The following PKNOX1 variants were observed in gnomAD, a reference collection of about 807,000 sequenced individuals.
PKNOX1 encodes the protein homeobox protein PKNOX1.
A neutral mutation model predicts 51.9 loss-of-function variants in PKNOX1; 15 were observed. That is an observed-to-expected ratio of 0.29 (90% confidence interval 0.19 to 0.45). The LOEUF (loss-of-function observed/expected upper bound fraction) is 0.45. PKNOX1 is among the 20% of genes least tolerant of loss of function. PKNOX1 has a pLI of 1.00. For missense variants in PKNOX1, 462 were observed against 547.5 expected (o/e 0.84, Z 1.56); for synonymous variants, 219 against 211.1 (o/e 1.04, Z -0.32).
intron 4 of PKNOX1, among the ~76,000 whole-genome samples, chr21:43,011,899 C>G (rs1006423632): frequency 3.3e-5 from 5 of 152,170 alleles, no homozygotes; most frequent in African/African-American, 1.2e-4. Context: ...ATGCTCTCTC[C>G]ACCCCTGAGT....
intron 1 of PKNOX1, among the ~76,000 whole-genome samples, chr21:42,976,509 C>T (rs948104781): frequency 1.3e-5 from 2 of 152,216 alleles, no homozygotes; most frequent in African/African-American, 4.8e-5. Flanking sequence ...ATTTTAACCA[C>T]AGTGAAAATT....
intron 1 of PKNOX1, among the ~76,000 whole-genome samples, chr21:42,990,044 G>A (rs2059077895): frequency 1.3e-5 from 2 of 151,772 alleles, no homozygotes; most frequent in Non-Finnish European, 2.9e-5. Flanking sequence ...GCTGCAGTGA[G>A]CCAGATGGTG....
Position 43,007,548 on chromosome 21 carries a change from G to A in PKNOX1, c.109G>A (p.Ala37Thr), listed in dbSNP as rs557919521. Reference sequence around the variant, plus strand: ...AGATCCAAACTGCTCTGAACCCGATGCAGAAGGAGTGAGCCCTCCCCCTGT... The same window carrying A: ...AGATCCAAACTGCTCTGAACCCGATACAGAAGGAGTGAGCCCTCCCCCTGT... Reference protein sequence around the residue: ...EQDPNCSEPDAEGVSPPPVES... With the variant: ...EQDPNCSEPDTEGVSPPPVES... The change falls in exon 3 of 11, where the codon GCA (alanine) becomes ACA (threonine). Residue 37 changes from alanine (A) to threonine (T), a missense_variant. Transcript: ENST00000291547. 3.1e-6 allele frequency: 5 copies of A among 1,613,914 alleles called. No individual in the cohort carries two copies. The highest frequency in any genetic ancestry group is 1.6e-4 in the Middle Eastern group (1 of 6,084).
At chr21:42,984,668 G>A (rs547861631) in intron 1 of PKNOX1, among the ~76,000 whole-genome samples, 7 of 152,302 alleles carry the variant, frequency 4.6e-5, no homozygotes, top group South Asian at 2.1e-4. Flanking sequence ...GATTATAGGC[G>A]TGAGCCACCA....
intron 1 of PKNOX1, among the ~76,000 whole-genome samples, chr21:42,992,167 T>A (rs2059091243): frequency 6.6e-6 from 1 of 152,224 alleles, no homozygotes; most frequent in Non-Finnish European, 1.5e-5. Context: ...AATGCCGTAA[T>A]TCATAGGTTG....
chr21:43,004,174 T>G (rs1601287126), intron 1 of PKNOX1, 152 bp from the exon 2 acceptor site: 1 of 405,756 alleles, frequency 2.5e-6, no homozygotes. Context: ...GAGGCGGAGG[T>G]TGAGGTGAGC....
chr21:42,983,740 T>C (rs573923844), intron 1 of PKNOX1, among the ~76,000 whole-genome samples: 28 of 152,324 alleles, frequency 1.8e-4, no homozygotes, highest in Admixed American at 1.5e-3. Context: ...TACTGTTTTA[T>C]ATTCCTTTTA....
intron 1 of PKNOX1, among the ~76,000 whole-genome samples, chr21:42,993,344 C>G (rs923014779): frequency 6.6e-6 from 1 of 152,070 alleles, no homozygotes; most frequent in African/African-American, 2.4e-5. Flanking sequence ...CAACAGGACT[C>G]GCGGGCCGAG....
chr21:43,017,985 G>T (rs1456342723), intron 6 of PKNOX1, 148 bp from the exon 7 acceptor site: 4 of 560,252 alleles, frequency 7.1e-6, no homozygotes, highest in Non-Finnish European at 1.2e-5. Context: ...CAAGGCAGGA[G>T]GATCAGTTGA....
intron 1 of PKNOX1, 115 bp from the exon 2 acceptor site, chr21:43,004,211 T>G (rs1226550977): frequency 1.5e-5 from 8 of 518,698 alleles, no homozygotes; most frequent in Admixed American, 3.2e-5. Context: ...CACTCCAGCC[T>G]GGGCAACAAG....
chr21:43,005,940 G>A (rs1461108963), intron 2 of PKNOX1, among the ~76,000 whole-genome samples: 1 of 152,052 alleles, frequency 6.6e-6, no homozygotes, highest in Non-Finnish European at 1.5e-5. Flanking sequence ...CAAGGGCCTC[G>A]GAAGTGTTTA....
At chr21:43,024,575 G>T (rs1292690299) in intron 8 of PKNOX1, 3 of 318,774 alleles carry the variant, frequency 9.4e-6, no homozygotes, top group Admixed American at 4.8e-5. Flanking sequence ...TAGACTCACC[G>T]CTGGACTGCA....
chr21:42,975,553 C>T (rs1435830990), intron 1 of PKNOX1, among the ~76,000 whole-genome samples: 3 of 152,238 alleles, frequency 2.0e-5, no homozygotes, highest in African/African-American at 7.2e-5. Flanking sequence ...AATGAAGAAA[C>T]GCGGAGTCTG....
chr21:43,031,643 A>G lies in PKNOX1; in HGVS notation c.*1542A>G, dbSNP rs941509227. 1 of 152,652 alleles carries G rather than the reference A, an allele frequency of 6.6e-6. No individual in the cohort carries two copies. The highest frequency in any genetic ancestry group is 1.9e-4 in the East Asian group (1 of 5,204). 9.5% of individuals were successfully genotyped at this position (152,652 alleles called of 1,614,324 possible). A position where few individuals can be genotyped will look rare whatever the true frequency, so the allele number is the denominator to read the frequency against. ...GTATGGCTGAAGTTCATTTGTTTAC[A>G]GGGTCGGGAATGTCTTCAGTTCTTG... On this transcript the variant is annotated 3_prime_UTR_variant, in exon 11 of 11. Coordinates refer to ENST00000291547, the MANE Select transcript of PKNOX1 (RefSeq NM_004571.5).
chr21:43,020,001 C>T (rs543352754), intron 7 of PKNOX1, among the ~76,000 whole-genome samples: 1 of 147,726 alleles, frequency 6.8e-6, no homozygotes, highest in Non-Finnish European at 1.5e-5. Context: ...GGCACAAACA[C>T]AGCTCACTGA....
At chr21:42,998,956 G>A (rs1264271998) in intron 1 of PKNOX1, among the ~76,000 whole-genome samples, 2 of 152,204 alleles carry the variant, frequency 1.3e-5, no homozygotes, top group Admixed American at 6.5e-5. Context: ...ACTAGGCAGT[G>A]CCCCAGTAGG....
chr21:43,016,701 G>C (rs1979504170), intron 5 of PKNOX1, among the ~76,000 whole-genome samples: 1 of 152,198 alleles, frequency 6.6e-6, no homozygotes, highest in Non-Finnish European at 1.5e-5. Context: ...GTTGCAGGCT[G>C]GCTTGTTGTG....
chr21:42,975,165 C>G (rs1601258714), intron 1 of PKNOX1, among the ~76,000 whole-genome samples: 1 of 145,210 alleles, frequency 6.9e-6, no homozygotes, highest in Non-Finnish European at 1.5e-5. Context: ...TCCGCGGCCT[C>G]GCGGAGTCCT....
At chr21:42,981,100 C>T (rs1286515949) in intron 1 of PKNOX1, among the ~76,000 whole-genome samples, 1 of 152,196 alleles carries the variant, frequency 6.6e-6, no homozygotes, top group East Asian at 1.9e-4. Context: ...TGGGAAGTAC[C>T]ATCTTGCATC....
Sources: gnomAD v4.1 joint callset for allele counts (sites outside exome capture counted in the v4.1 genomes callset) on GRCh38, gnomAD v4.1.1 for gene constraint, MANE v1.5 for transcripts, NCBI Gene and HGNC (gene_info 2026-07-23, HGNC 2026-07-21) for gene names.